The following CORIN variants were observed in gnomAD, a reference collection of about 807,000 sequenced individuals.
CORIN encodes corin, serine peptidase, also known as atrial natriuretic peptide-converting enzyme.
A neutral mutation model predicts 125.3 loss-of-function variants in CORIN; 117 were observed. That is an observed-to-expected ratio of 0.93 (90% CI 0.80 to 1.09). The LOEUF is 1.09. Among genes scored for constraint, CORIN ranks in the 50% least tolerant of loss-of-function variants. CORIN has a pLI of 0.00. For synonymous variants in CORIN, 450 were observed against 466.4 expected (o/e 0.96, Z 0.45); for missense variants, 1,253 against 1,306.7 (o/e 0.96, Z 0.63).
At chr4:47,804,008 T>TA (rs1324866945) in intron 2 of CORIN, among the ~76,000 whole-genome samples, 2 of 152,160 alleles carry the variant, frequency 1.3e-5, no homozygotes, top group East Asian at 1.9e-4. Context: ...AACTTTCTTT[T>TA]AAAAAATCGA....
chr4:47,819,026 G>T (rs1362420875), intron 1 of CORIN, among the ~76,000 whole-genome samples: 5 of 152,086 alleles, frequency 3.3e-5, no homozygotes, highest in Non-Finnish European at 5.9e-5. Flanking sequence ...GTTATTATAG[G>T]TGAGTACATA....
intron 7 of CORIN, 72 bp downstream of exon 7, chr4:47,683,659 T>C (rs936898182): frequency 9.3e-7 from 1 of 1,079,884 alleles, no homozygotes; most frequent in Non-Finnish European, 1.4e-6. Context: ...TAACACATAA[T>C]GAACTGTAAG....
rs752572848 is a variant in CORIN at position 47,665,125 on chromosome 4, T to TGAACAAGTGCAGGGAAAAGAGAA, written c.1473_1495dup (p.Gln499LeufsTer30). ...CATGAGGTATTTATAACAGTTGGTTTGAACAAGTGCAGGGAAAAGAGAAGA... is the reference window on the plus strand; with the variant it reads ...CATGAGGTATTTATAACAGTTGGTTTGAACAAGTGCAGGGAAAAGAGAAGAACAAGTGCAGGGAAAAGAGAAGA... On this transcript the variant is annotated frameshift_variant, in exon 11 of 22. Transcript: ENST00000273857. LOFTEE classifies it high-confidence loss of function. 6.2e-7 allele frequency: 1 copy of TGAACAAGTGCAGGGAAAAGAGAA among 1,613,956 alleles called. No homozygotes were observed. The highest frequency in any genetic ancestry group is 8.5e-7 in the Non-Finnish European group (1 of 1,179,860).
chr4:47,642,978 T>C (rs1723296950), intron 15 of CORIN, 168 bp downstream of exon 15: 2 of 1,537,006 alleles, frequency 1.3e-6, no homozygotes, highest in Non-Finnish European at 1.7e-6. Flanking sequence ...GGAAATTTTC[T>C]GTGAGTTGGA....
intron 1 of CORIN, among the ~76,000 whole-genome samples, chr4:47,817,256 C>G (rs1320205122): frequency 1.3e-5 from 2 of 150,082 alleles, no homozygotes; most frequent in African/African-American, 4.9e-5. Context: ...TGTATTAAGT[C>G]CTTTAAAACA....
chr4:47,809,025 T>G (rs954626157), intron 1 of CORIN, among the ~76,000 whole-genome samples: 2 of 152,202 alleles, frequency 1.3e-5, no homozygotes, highest in Non-Finnish European at 2.9e-5. Context: ...AAATACGATT[T>G]CTTGCTGGAA....
intron 4 of CORIN, among the ~76,000 whole-genome samples, chr4:47,750,271 G>A (rs188491035): frequency 1.3e-5 from 2 of 152,298 alleles, no homozygotes; most frequent in Non-Finnish European, 2.9e-5. Flanking sequence ...CGTGGGGATG[G>A]ACAGCGGTGC....
chr4:47,681,605 T>G (rs1577820815), intron 7 of CORIN: 2 of 152,366 alleles, frequency 1.3e-5, no homozygotes, highest in Admixed American at 1.3e-4. Flanking sequence ...CAAGGCCTCC[T>G]GCAACTATAA....
intron 11 of CORIN, among the ~76,000 whole-genome samples, chr4:47,662,343 C>T (rs1158482558): frequency 2.0e-5 from 3 of 152,128 alleles, no homozygotes; most frequent in African/African-American, 7.2e-5. Context: ...AGGCATGCCT[C>T]CCTTACTTCA....
intron 5 of CORIN, among the ~76,000 whole-genome samples, chr4:47,719,873 A>C (rs1325607083): frequency 1.3e-5 from 2 of 152,232 alleles, no homozygotes; most frequent in African/African-American, 4.8e-5. Flanking sequence ...AAATTTTTTC[A>C]AATATTCTAT....
Position 47,763,361 on chromosome 4 carries a change from A to C in CORIN, c.617+18T>G, listed in dbSNP as rs754696487. ...TATAACCAACTCTTATCACTGAATA[A>C]TCTGGGTTCCGAAATACCTGTCATC... On this transcript the variant is annotated intron_variant, in intron 4 of 21. Transcript: ENST00000273857. 1 of 1,600,008 alleles carries C rather than the reference A, an allele frequency of 6.2e-7. No individual in the cohort carries two copies. Among genetic ancestry groups the C allele is most frequent in the Non-Finnish European group, 8.5e-7 (1 of 1,169,592 alleles).
At position 47,762,994 on chromosome 4, in the gene CORIN, G is replaced by A. The variant is rs184173653; in HGVS notation, c.617+385C>T. On this transcript the variant is annotated intron_variant, in intron 4 of 21. Coordinates refer to ENST00000273857, the MANE Select transcript of CORIN (RefSeq NM_006587.4). ...CCCTTCAATCTTGGGTGGTGGAACT[G>A]TATCCCCGTATCATGAGACCCTGGT... 8.5e-5 allele frequency among the ~76,000 whole-genome samples: 13 copies of A among 152,196 alleles called. No individual in the cohort carries two copies. The East Asian group carries it at 2.5e-3, about 29-fold the overall frequency.
Position 47,643,173 on chromosome 4 carries a change from A to T in CORIN, c.2041T>A (p.Ser681Thr). The change falls in exon 15 of 22, where the codon TCA (serine) becomes ACA (threonine). Residue 681 changes from serine (S) to threonine (T), a missense_variant. By Grantham distance (58) the Ser-to-Thr change is moderately conservative (BLOSUM62 1). Coordinates refer to ENST00000273857, the MANE Select transcript of CORIN (RefSeq NM_006587.4). Reference sequence around the variant, plus strand: ...CAGTCCCATTCATCTGAACTGTCTGAGCAGTCGGCTTCACCATCACACCAC... The same window carrying T: ...CAGTCCCATTCATCTGAACTGTCTGTGCAGTCGGCTTCACCATCACACCAC... ...DLWCDGEADC[S>T]DSSDEWDCVT... is the part of the protein sequence containing the mutation. 1 of 1,614,148 alleles carries T rather than the reference A, an allele frequency of 6.2e-7. No individual in the cohort carries two copies. Among genetic ancestry groups the T allele is most frequent in the Non-Finnish European group, 8.5e-7 (1 of 1,179,986 alleles).
intron 4 of CORIN, among the ~76,000 whole-genome samples, chr4:47,757,586 C>T (rs545923295): frequency 2.8e-4 from 42 of 151,808 alleles, no homozygotes; most frequent in African/African-American, 1.0e-3. Context: ...CAGAGCGAGA[C>T]CCTGCCTCAA....
At chr4:47,598,327 T>C (rs2109499040) in intron 21 of CORIN, among the ~76,000 whole-genome samples, 1 of 152,292 alleles carries the variant, frequency 6.6e-6, no homozygotes, top group African/African-American at 2.4e-5. Context: ...TTTGTTTGGT[T>C]TTCTACCTGA....
At chr4:47,633,569 A>G (rs4694863) in intron 16 of CORIN, among the ~76,000 whole-genome samples, 1 of 152,014 alleles carries the variant, frequency 6.6e-6, no homozygotes, top group East Asian at 1.9e-4. Context: ...GCCAGTCCAG[A>G]TATTTCCTTC....
At chr4:47,737,328 T>C (rs1399247028) in intron 5 of CORIN, among the ~76,000 whole-genome samples, 2 of 152,184 alleles carry the variant, frequency 1.3e-5, no homozygotes, top group Non-Finnish European at 2.9e-5. Flanking sequence ...GATCTGGCCA[T>C]ATATGTCTAC....
At chr4:47,645,017 A>G in intron 14 of CORIN, 64 bp downstream of exon 14, 1 of 890,154 alleles carries the variant, frequency 1.1e-6, no homozygotes, top group Non-Finnish European at 1.8e-6. Flanking sequence ...CTTGTATTCA[A>G]AATGAGACTT....
chr4:47,623,694 C>T lies in CORIN; in HGVS notation c.2417G>A (p.Arg806Gln), dbSNP rs141053134. The change falls in exon 19 of 22, where the codon CGG (arginine) becomes CAG (glutamine). Residue 806 changes from arginine (R) to glutamine (Q), a missense_variant. Coordinates refer to ENST00000273857, the MANE Select transcript of CORIN (RefSeq NM_006587.4). ...TGGCCACCTTCCAGGGCGACTCGTC[C>T]GACCTCCAAGGATCCTTTTGTTCAT... ...ARMNKRILGG[R>Q]TSRPGRWPWQ... 42 of 1,614,102 alleles carry T rather than the reference C, an allele frequency of 2.6e-5. No individual in the cohort carries two copies. The highest frequency in any genetic ancestry group is 1.6e-4 in the African/African-American group (12 of 74,936).
Sources: gnomAD v4.1 joint callset for allele counts (sites outside exome capture counted in the v4.1 genomes callset) on GRCh38, gnomAD v4.1.1 for gene constraint, MANE v1.5 for transcripts, NCBI Gene and HGNC (gene_info 2026-07-23, HGNC 2026-07-21) for gene names.